PTDSS2: variants seen among roughly 807,000 people sequenced by gnomAD.
The protein encoded by PTDSS2 is PSS-2.
Under a neutral mutation model 64.7 loss-of-function variants are expected in PTDSS2, and 41 were observed. The observed-to-expected ratio is 0.63, with a 90% confidence interval of 0.49 to 0.82. The LOEUF is 0.82. Among genes scored for constraint, PTDSS2 ranks in the 40% least tolerant of loss-of-function variants. PTDSS2 has a pLI of 0.00. For synonymous variants in PTDSS2, 297 were observed against 277.8 expected (o/e 1.07, Z -0.69); for missense variants, 485 against 650.0 (o/e 0.75, Z 2.76).
intron 2 of PTDSS2, chr11:463,297 G>A (rs1036479113): frequency 6.0e-5 from 9 of 151,004 alleles, no homozygotes; most frequent in East Asian, 3.9e-4. Context: ...GTGTGATCTC[G>A]GCTCACCGCA....
chr11:469,912 G>C (rs1847340615), intron 2 of PTDSS2, among the ~76,000 whole-genome samples: 1 of 152,166 alleles, frequency 6.6e-6, no homozygotes, highest in Non-Finnish European at 1.5e-5. Flanking sequence ...GAGCCTCCCA[G>C]TGGCCAAAGA....
chr11:475,194 GATA>G (rs1847709238), intron 3 of PTDSS2, among the ~76,000 whole-genome samples: 6 of 137,088 alleles, frequency 4.4e-5, no homozygotes, highest in Middle Eastern at 4.1e-3. Flanking sequence ...ACGCGTTTAT[GATA>G]TGGACATAAT....
At chr11:455,436 C>T (rs1259829056) in intron 1 of PTDSS2, among the ~76,000 whole-genome samples, 3 of 152,188 alleles carry the variant, frequency 2.0e-5, no homozygotes, top group Non-Finnish European at 4.4e-5. Context: ...GTCCTGCTCC[C>T]GTGCACACCA....
intron 2 of PTDSS2, among the ~76,000 whole-genome samples, chr11:472,709 CAG>C (rs1457320580): frequency 2.6e-5 from 4 of 152,194 alleles, no homozygotes; most frequent in African/African-American, 9.7e-5. Context: ...CTCCTGCAGG[CAG>C]AGAGGGGAAT....
In PTDSS2 at chr11:467,155, C is replaced by T. The variant is rs1470848025; in HGVS notation, c.285-6740C>T. Among the ~76,000 whole-genome samples the T allele has an allele frequency of 2.0e-5, 3 of 152,148 alleles. No homozygotes were observed. In the East Asian group the frequency reaches 5.8e-4, roughly 29 times the overall value. On this transcript the variant is annotated intron_variant, in intron 2 of 11. Transcript: ENST00000308020. ...GCAGTGAGCCGAGATGGGGCCACTGCACTCCAGCCTGGGTGACAAAGGCAA... is the reference window on the plus strand; with the variant it reads ...GCAGTGAGCCGAGATGGGGCCACTGTACTCCAGCCTGGGTGACAAAGGCAA...
intron 1 of PTDSS2, among the ~76,000 whole-genome samples, chr11:453,043 T>C (rs1382393555): frequency 6.6e-6 from 1 of 152,120 alleles, no homozygotes; most frequent in Non-Finnish European, 1.5e-5. Flanking sequence ...GGCGTTCATT[T>C]TCAAGGATGG....
intron 4 of PTDSS2, among the ~76,000 whole-genome samples, chr11:483,632 C>T (rs1313631502): frequency 1.3e-5 from 2 of 152,148 alleles, no homozygotes; most frequent in Non-Finnish European, 2.9e-5. Flanking sequence ...TTTTCTTATC[C>T]TGAACCAACC....
rs2133811488 is a variant in PTDSS2 at position 476,993 on chromosome 11, T to G, written c.368-2092T>G. Among the ~76,000 whole-genome samples the G allele has an allele frequency of 6.6e-6, 1 of 152,172 alleles. No homozygotes were observed. Among genetic ancestry groups the G allele is most frequent in the East Asian group, 1.9e-4 (1 of 5,176 alleles). On this transcript the variant is annotated intron_variant, in intron 3 of 11. Transcript: ENST00000308020. This position sits in a 1 kb window ranked among gnomAD's most constrained non-coding sequence, Gnocchi z 4.9. ...ACAACACATTGAAGTGGACAAGTGATGAGTCCTGTGCAGCGGAGGCTCTGG... is the reference window on the plus strand; with the variant it reads ...ACAACACATTGAAGTGGACAAGTGAGGAGTCCTGTGCAGCGGAGGCTCTGG...
At position 460,118 on chromosome 11, in the gene PTDSS2, C is replaced by T. The variant is rs1846806922; in HGVS notation, c.183-69C>T. 3.2e-6 allele frequency: 4 copies of T among 1,232,824 alleles called. No individual in the cohort carries two copies. Among genetic ancestry groups the T allele is most frequent in the Admixed American group, 3.6e-5 (2 of 55,948 alleles). 76.4% of individuals were successfully genotyped at this position (1,232,824 alleles called of 1,614,324 possible). ...TCCTTGACGTAGAGAGGATTTGGGG[C>T]CTGTTACGTGAGTATTTAGCAATGC... On this transcript the variant is annotated intron_variant, in intron 1 of 11. Transcript: ENST00000308020. This position sits in a 1 kb window ranked among gnomAD's most constrained non-coding sequence, Gnocchi z 5.8.
chr11:474,512 C>T (rs1847630136), intron 3 of PTDSS2, among the ~76,000 whole-genome samples: 2 of 152,158 alleles, frequency 1.3e-5, no homozygotes, highest in Non-Finnish European at 2.9e-5. Flanking sequence ...GAGGTGCCGC[C>T]CACCCCCTGC....
chr11:488,986 A>G (rs1848537441), intron 8 of PTDSS2, among the ~76,000 whole-genome samples: 1 of 152,248 alleles, frequency 6.6e-6, no homozygotes. Flanking sequence ...TTTGGAATTT[A>G]AAAAAGAAAC....
chr11:452,220 C>T (rs772975567), intron 1 of PTDSS2, among the ~76,000 whole-genome samples: 4 of 152,200 alleles, frequency 2.6e-5, no homozygotes, highest in African/African-American at 7.2e-5. Flanking sequence ...CTCATTTGGC[C>T]GTTCAGCACA....
intron 4 of PTDSS2, among the ~76,000 whole-genome samples, chr11:484,140 A>G (rs1478008374): frequency 6.6e-6 from 1 of 152,216 alleles, no homozygotes; most frequent in Non-Finnish European, 1.5e-5. Flanking sequence ...CTTGTCTTAC[A>G]CTTGCATATT....
rs1846258086 is a variant in PTDSS2, at chr11:450,362, C to T, written c.-94C>T. 2.7e-6 allele frequency: 3 copies of T among 1,120,314 alleles called. No individual in the cohort carries two copies. The highest frequency in any genetic ancestry group is 4.6e-5 in the South Asian group (1 of 21,958). The allele number at this position is 1,120,314 out of a possible 1,614,324, so 69.4% of individuals were successfully genotyped here. On this transcript the variant is annotated 5_prime_UTR_variant, in exon 1 of 12. Transcript: ENST00000308020. Reference sequence around the variant, plus strand: ...GGCCAGCGCCGCGACCCCTTCCCAGCGCTCCTCGCGCTGTGTGCGGCGCGT... The same window carrying T: ...GGCCAGCGCCGCGACCCCTTCCCAGTGCTCCTCGCGCTGTGTGCGGCGCGT...
chr11:455,183 GT>G (rs1564958987), intron 1 of PTDSS2, among the ~76,000 whole-genome samples: 2 of 152,266 alleles, frequency 1.3e-5, no homozygotes, highest in African/African-American at 2.4e-5. Flanking sequence ...TAGCTTCTGG[GT>G]CTCCCATTCT....
At chr11:466,699 G>A (rs1184410719) in intron 2 of PTDSS2, among the ~76,000 whole-genome samples, 5 of 152,006 alleles carry the variant, frequency 3.3e-5, no homozygotes, top group Non-Finnish European at 7.4e-5. Context: ...GTGAGCCACC[G>A]CGCACGGCCA....
At chr11:448,836 A>C (rs1436383383), upstream of PTDSS2, among the ~76,000 whole-genome samples, 1 of 152,250 alleles carries the variant, frequency 6.6e-6, no homozygotes. Flanking sequence ...TCGAGTGGAC[A>C]GTTGAGTGGT....
rs2301171 is a variant in PTDSS2 at position 487,257 on chromosome 11, G to A, written c.571-163G>A. The A allele has an allele frequency of 3.3e-6, 3 of 908,758 alleles. No homozygotes were observed. The Admixed American group carries it at 6.4e-5, about 19-fold the overall frequency. 56.3% of individuals were successfully genotyped at this position (908,758 alleles called of 1,614,324 possible). Reference sequence around the variant, plus strand: ...GTGGGCAGGGGGCCCCTGCTCTCTAGGCTGTCGTGGACGTGGTCTCCACAG... The same window carrying A: ...GTGGGCAGGGGGCCCCTGCTCTCTAAGCTGTCGTGGACGTGGTCTCCACAG... On this transcript the variant is annotated intron_variant, in intron 5 of 11. Transcript: ENST00000308020.
rs756683426 is a variant in PTDSS2, at chr11:488,211, C to T, written c.634C>T (p.Arg212Ter). The T allele has an allele frequency of 1.9e-5, 30 of 1,612,652 alleles. No individual in the cohort carries two copies. The highest frequency in any genetic ancestry group is 2.7e-5 in the African/African-American group (2 of 74,900). The change falls in exon 7 of 12, where the codon CGA becomes TGA. Residue 212 changes from arginine (R) to a stop codon, truncating the protein, a stop_gained. Coordinates refer to ENST00000308020, the MANE Select transcript of PTDSS2 (RefSeq NM_030783.3). LOFTEE classifies it high-confidence loss of function. ...LGWYLKTLMI[R>*]DWWMCMIISV... ...CTGGCGCCCACAGACCCTGATGATC[C>T]GAGACTGGTGGATGTGCATGATCAT...
Sources: allele counts gnomAD v4.1 joint callset (sites outside exome capture counted in the v4.1 genomes callset), GRCh38; gene constraint gnomAD v4.1.1; non-coding constraint Gnocchi (gnomAD v3.1); transcripts MANE v1.5; gene names NCBI Gene and HGNC (gene_info 2026-07-23, HGNC 2026-07-21).